PACS2: variants seen among roughly 807,000 people sequenced by gnomAD.
PACS2 encodes the protein phosphofurin acidic cluster sorting protein 2, also known as PACS1-like protein.
In PACS2, 36 loss-of-function variants were observed where a neutral mutation model predicts 113.0. That is an observed-to-expected ratio of 0.32 (90% confidence interval 0.24 to 0.42). The LOEUF (loss-of-function observed/expected upper bound fraction) is 0.42, where lower values mean the gene tolerates loss of function less well. Ranked by LOEUF, PACS2 falls within the 10% of genes least tolerant of loss-of-function variation. The pLI is 1.00. For synonymous variants in PACS2, 589 were observed against 536.1 expected, an observed-to-expected ratio of 1.10 and a Z score of -1.36; for missense variants, 1,015 against 1,239.5, an observed-to-expected ratio of 0.82 and a Z score of 2.72.
chr14:105,308,906 C>G (rs2058269374), intron 1 of PACS2, among the ~76,000 whole-genome samples: 1 of 151,934 alleles, frequency 6.6e-6, no homozygotes, highest in East Asian at 2.0e-4. Flanking sequence ...TCCAGGAGAT[C>G]TGGCCTACAG....
In PACS2 at chr14:105,365,440, G is replaced by A. The variant is rs2060912104; in HGVS notation, c.424-1773G>A. On this transcript the variant is annotated intron_variant, in intron 4 of 24. Transcript: ENST00000447393. The surrounding 1 kb of genome is among the most constrained non-coding windows in gnomAD (Gnocchi z 5.1). ...TGGAGCGGGGGCTAATCAACAACCC[G>A]CCCCTGGCCCGCTGCGGGCCCAGCA... Among the ~76,000 whole-genome samples, 1 of 152,114 alleles carries A rather than the reference G, an allele frequency of 6.6e-6. No individual in the cohort carries two copies. The highest frequency in any genetic ancestry group is 2.4e-5 in the African/African-American group (1 of 41,436).
At position 105,364,308 on chromosome 14, in the gene PACS2, G is replaced by T. The variant is rs1297972028; in HGVS notation, c.424-2905G>T. Among the ~76,000 whole-genome samples the T allele has an allele frequency of 3.4e-5, 5 of 145,606 alleles. No individual in the cohort carries two copies. In the South Asian group the frequency reaches 1.1e-3, roughly 31 times the overall value. On this transcript the variant is annotated intron_variant, in intron 4 of 24. Transcript: ENST00000447393. ...GCGGCGGCCTGCGGGTGTGGTGGGCGTCCCGGGTGCGCGGTGGGCGGCGGC... is the reference window on the plus strand; with the variant it reads ...GCGGCGGCCTGCGGGTGTGGTGGGCTTCCCGGGTGCGCGGTGGGCGGCGGC...
upstream of PACS2, among the ~76,000 whole-genome samples, chr14:105,310,267 A>G (rs1483614093): frequency 6.6e-6 from 1 of 150,742 alleles, no homozygotes; most frequent in African/African-American, 2.4e-5. Context: ...ACAGTGGCTC[A>G]CGCCTGTAAT....
chr14:105,359,180 C>T (rs1436992489), intron 4 of PACS2, among the ~76,000 whole-genome samples: 3 of 152,300 alleles, frequency 2.0e-5, no homozygotes, highest in South Asian at 2.1e-4. Flanking sequence ...CCCAGGCCTT[C>T]GCATTACTCA....
At chr14:105,361,769 G>A (rs1377766809) in intron 4 of PACS2, among the ~76,000 whole-genome samples, 1 of 152,150 alleles carries the variant, frequency 6.6e-6, no homozygotes, top group Non-Finnish European at 1.5e-5. Flanking sequence ...GACCAACATG[G>A]AGAAACCCCG....
chr14:105,335,471 T>C (rs886905202), intron 1 of PACS2, among the ~76,000 whole-genome samples: 2 of 152,138 alleles, frequency 1.3e-5, no homozygotes, highest in Non-Finnish European at 2.9e-5. Flanking sequence ...GCGCCTGGCA[T>C]GGCTGTGATG....
chr14:105,324,643 G>T lies in PACS2; in HGVS notation c.119+9606G>T, dbSNP rs990827646. On this transcript the variant is annotated intron_variant, in intron 1 of 24. Transcript: ENST00000447393. The surrounding 1 kb of genome is among the most constrained non-coding windows in gnomAD (Gnocchi z 4.7). ...TAGCAGGGTTGTGAGAGTGATGAGA[G>T]CGTGGCTGCTGGTCATGGTGCTGGG... Among the ~76,000 whole-genome samples, 1 of 152,222 alleles carries T rather than the reference G, an allele frequency of 6.6e-6. No homozygotes were observed. The highest frequency in any genetic ancestry group is 1.5e-5 in the Non-Finnish European group (1 of 68,030).
Position 105,342,331 on chromosome 14 carries a change from A to C in PACS2, c.120-6162A>C, listed in dbSNP as rs187370706. 7.4e-4 allele frequency among the ~76,000 whole-genome samples: 112 copies of C among 151,858 alleles called. 1 individual carries two copies. In the East Asian group the frequency reaches 0.014, roughly 20 times the overall value. On this transcript the variant is annotated intron_variant, in intron 1 of 24. Transcript: ENST00000447393. ...TCACCCAGGCTGAGTGTAGTGGTGCAATCACAGCTGACTGCAGCCTCCAAC... is the reference window on the plus strand; with the variant it reads ...TCACCCAGGCTGAGTGTAGTGGTGCCATCACAGCTGACTGCAGCCTCCAAC...
rs2058989549 is a variant in PACS2, at chr14:105,323,849, AG to A, written c.119+8814del. 6.6e-6 allele frequency among the ~76,000 whole-genome samples: 1 copy of A among 152,238 alleles called. No individual in the cohort carries two copies. The highest frequency in any genetic ancestry group is 6.5e-5 in the Admixed American group (1 of 15,290). On this transcript the variant is annotated intron_variant, in intron 1 of 24. Coordinates refer to ENST00000447393, the MANE Select transcript of PACS2 (RefSeq NM_001100913.3). The surrounding 1 kb of genome is among the most constrained non-coding windows in gnomAD (Gnocchi z 4.1). ...ACTCGAGCTGGGGCCAAGGGGCAGC[AG>A]GACGGTGCCCGTAGCCCTGGAGGCC... is the stretch of plus-strand genomic sequence containing the variant.
chr14:105,392,272 C>T, intron 22 of PACS2: 1 of 395,120 alleles, frequency 2.5e-6, no homozygotes. Flanking sequence ...CCCCCCGACC[C>T]CCCTGCCTCT....
intron 16 of PACS2, chr14:105,384,126 C>T (rs2081089871): frequency 3.7e-6 from 2 of 537,210 alleles, no homozygotes; most frequent in Non-Finnish European, 6.7e-6. Flanking sequence ...CTCAGTGGCA[C>T]TCAGGGCTCT....
intron 8 of PACS2, chr14:105,372,893 C>T (rs2061207783): frequency 1.3e-5 from 2 of 151,748 alleles, no homozygotes; most frequent in African/African-American, 2.4e-5. Flanking sequence ...CAGAGCGAGA[C>T]TCCGTCTCAA....
At chr14:105,302,543 CT>C (rs1446768508) in intron 1 of PACS2, among the ~76,000 whole-genome samples, 1 of 151,608 alleles carries the variant, frequency 6.6e-6, no homozygotes, top group Non-Finnish European at 1.5e-5. Flanking sequence ...TTAGATCCTT[CT>C]TTCCACTTAA....
At chr14:105,374,260 C>G (rs2061263678) in intron 8 of PACS2, among the ~76,000 whole-genome samples, 1 of 151,886 alleles carries the variant, frequency 6.6e-6, no homozygotes, top group Admixed American at 6.6e-5. Context: ...TTGGGTTAGG[C>G]AGGGGTTTCT....
chr14:105,381,130 G>GGGCGC, intron 12 of PACS2, 31 bp downstream of exon 12: 1 of 1,592,102 alleles, frequency 6.3e-7, no homozygotes, highest in Non-Finnish European at 8.6e-7. Flanking sequence ...GGGCGGGGCG[G>GGGCGC]TGATGCACCT....
rs1428678318 is a variant in PACS2, at chr14:105,355,619, G to A, written c.423+442G>A. Among the ~76,000 whole-genome samples, 2 of 152,258 alleles carry A rather than the reference G, an allele frequency of 1.3e-5. No individual in the cohort carries two copies. The highest frequency in any genetic ancestry group is 4.8e-5 in the African/African-American group (2 of 41,468). ...GGAGCAGGACAGGTGTCAGTTCTGT[G>A]AAGGGGCTAGCGACAATACCCGAGC... On this transcript the variant is annotated intron_variant, in intron 4 of 24. Coordinates refer to ENST00000447393, the MANE Select transcript of PACS2 (RefSeq NM_001100913.3). The surrounding 1 kb of genome is among the most constrained non-coding windows in gnomAD (Gnocchi z 4.1).
At chr14:105,312,823 G>A (rs761661424), upstream of PACS2, among the ~76,000 whole-genome samples, 7 of 152,222 alleles carry the variant, frequency 4.6e-5, no homozygotes, top group African/African-American at 1.2e-4. Flanking sequence ...GGTCGCAGGC[G>A]TGACACATGG....
chr14:105,382,635 G>A, intron 14 of PACS2, 54 bp downstream of exon 14: 1 of 1,210,102 alleles, frequency 8.3e-7, no homozygotes. Flanking sequence ...AGAGGAGAGT[G>A]GGTTCCTGAA....
intron 1 of PACS2, among the ~76,000 whole-genome samples, chr14:105,335,853 G>A (rs1418791923): frequency 6.6e-6 from 1 of 152,236 alleles, no homozygotes; most frequent in Non-Finnish European, 1.5e-5. Flanking sequence ...GCCTTGGGAC[G>A]GGCTGGGTGG....
Sources: gnomAD v4.1 joint callset for allele counts (sites outside exome capture counted in the v4.1 genomes callset) on GRCh38, gnomAD v4.1.1 for gene constraint, Gnocchi (gnomAD v3.1) non-coding constraint, MANE v1.5 for transcripts, NCBI Gene and HGNC (gene_info 2026-07-23, HGNC 2026-07-21) for gene names.